The following MALRD1 variants were observed in gnomAD, a reference collection of about 807,000 sequenced individuals.
MALRD1 encodes the protein MAM and LDL receptor class A domain containing 1.
A neutral mutation model predicts 242.1 loss-of-function variants in MALRD1; 247 were observed. That is an observed-to-expected ratio of 1.02 (90% CI 0.92 to 1.13). The LOEUF (loss-of-function observed/expected upper bound fraction) is 1.13, where lower values mean the gene tolerates loss of function less well. MALRD1 is among the 50% of genes most tolerant of loss of function. MALRD1 has a pLI of 0.00. For missense variants in MALRD1, 2,989 were observed against 2,533.1 expected, an observed-to-expected ratio of 1.18 and a Z score of -3.86; for synonymous variants, 995 against 866.6, an observed-to-expected ratio of 1.15 and a Z score of -2.60.
intron 34 of MALRD1, among the ~76,000 whole-genome samples, chr10:19,601,795 G>A (rs1002588239): frequency 2.6e-5 from 4 of 151,974 alleles, no homozygotes; most frequent in African/African-American, 9.7e-5. Flanking sequence ...TCCAATAGAG[G>A]AAGGGTTCAA....
chr10:19,574,784 A>G (rs1213671577), intron 33 of MALRD1, among the ~76,000 whole-genome samples: 3 of 152,210 alleles, frequency 2.0e-5, no homozygotes, highest in African/African-American at 7.2e-5. Flanking sequence ...TTAGGGAAAC[A>G]GAAGGCACAG....
intron 26 of MALRD1, among the ~76,000 whole-genome samples, chr10:19,353,394 A>T (rs571037581): frequency 3.7e-4 from 57 of 152,220 alleles, no homozygotes; most frequent in South Asian, 8.3e-4. Context: ...ATAATTGATG[A>T]ATATAAAAAT....
intron 31 of MALRD1, among the ~76,000 whole-genome samples, chr10:19,519,157 A>G (rs1833770314): frequency 6.6e-6 from 1 of 152,136 alleles, no homozygotes. Context: ...TTTCATCAGT[A>G]TATACTTATT....
intron 12 of MALRD1, among the ~76,000 whole-genome samples, chr10:19,159,092 T>C (rs1588628713): frequency 6.6e-6 from 1 of 152,316 alleles, no homozygotes; most frequent in East Asian, 1.9e-4. Flanking sequence ...ATTAATCATT[T>C]AAACCGGAAA....
intron 29 of MALRD1, among the ~76,000 whole-genome samples, chr10:19,473,015 C>G (rs1373561852): frequency 2.1e-4 from 31 of 150,564 alleles, no homozygotes; most frequent in African/African-American, 7.3e-4. Flanking sequence ...ATTTGCCATT[C>G]CAATGACAAT....
At chr10:19,398,477 A>G (rs956945789) in intron 28 of MALRD1, among the ~76,000 whole-genome samples, 1 of 152,160 alleles carries the variant, frequency 6.6e-6, no homozygotes, top group Non-Finnish European at 1.5e-5. Context: ...TACTTTTGAG[A>G]CAGCCAAAGT....
At chr10:19,146,478 T>C in intron 11 of MALRD1, 134 bp downstream of exon 11, 1 of 726,616 alleles carries the variant, frequency 1.4e-6, no homozygotes, top group Non-Finnish European at 1.9e-6. Flanking sequence ...TAAAACCTCC[T>C]GACCAAGTTA....
chr10:19,610,333 T>G (rs1838837538), intron 35 of MALRD1, among the ~76,000 whole-genome samples: 1 of 151,956 alleles, frequency 6.6e-6, no homozygotes, highest in South Asian at 2.1e-4. Context: ...TTCTATCTAA[T>G]AGTAACTTTG....
chr10:19,687,926 A>ATGTTATGTTC (rs1842647266), intron 36 of MALRD1, among the ~76,000 whole-genome samples: 4 of 48,676 alleles, frequency 8.2e-5, no homozygotes, highest in Non-Finnish European at 1.7e-4. Flanking sequence ...ATGTTATGTT[A>ATGTTATGTTC]TGTTATGTTA....
At chr10:19,325,440 A>G (rs956116295) in intron 22 of MALRD1, among the ~76,000 whole-genome samples, 18 of 151,302 alleles carry the variant, frequency 1.2e-4, no homozygotes, top group African/African-American at 3.9e-4. Context: ...GGGGCATCCA[A>G]CATATACAGG....
At chr10:19,066,636 TA>T in intron 1 of MALRD1, 82 bp from the exon 2 acceptor site, 1 of 1,067,680 alleles carries the variant, frequency 9.4e-7, no homozygotes, top group Non-Finnish European at 1.2e-6. Flanking sequence ...CATTTGTTGC[TA>T]AACTTTATTT....
At chr10:19,725,182 C>A (rs1834963382) in intron 38 of MALRD1, among the ~76,000 whole-genome samples, 1 of 152,148 alleles carries the variant, frequency 6.6e-6, no homozygotes, top group South Asian at 2.1e-4. Flanking sequence ...TCCATGTCCC[C>A]ACCCAAATCT....
intron 23 of MALRD1, among the ~76,000 whole-genome samples, chr10:19,328,412 T>C (rs943072266): frequency 6.6e-6 from 1 of 152,108 alleles, no homozygotes; most frequent in Non-Finnish European, 1.5e-5. Flanking sequence ...ATGTACAACA[T>C]TTTCTTCTTA....
intron 33 of MALRD1, among the ~76,000 whole-genome samples, chr10:19,581,580 T>C (rs1488703709): frequency 2.0e-5 from 3 of 148,900 alleles, no homozygotes; most frequent in African/African-American, 7.4e-5. Flanking sequence ...TAGTATTCCA[T>C]GGTGTATATG....
At chr10:19,522,928 C>G (rs957779042) in intron 31 of MALRD1, among the ~76,000 whole-genome samples, 1 of 152,160 alleles carries the variant, frequency 6.6e-6, no homozygotes, top group Non-Finnish European at 1.5e-5. Context: ...AAATGAAAGA[C>G]ATGCTACCTT....
chr10:19,187,220 T>C (rs535171786), intron 14 of MALRD1, among the ~76,000 whole-genome samples: 11 of 152,228 alleles, frequency 7.2e-5, no homozygotes, highest in Non-Finnish European at 1.5e-4. Context: ...AGGGCCCTGC[T>C]TCCTAGCTGG....
chr10:19,312,600 C>T (rs924531072), intron 21 of MALRD1, among the ~76,000 whole-genome samples: 3 of 150,952 alleles, frequency 2.0e-5, no homozygotes, highest in Non-Finnish European at 4.4e-5. Context: ...CAGTTTTTTT[C>T]AGACCCTGAT....
intron 24 of MALRD1, among the ~76,000 whole-genome samples, chr10:19,346,977 G>T (rs1227282891): frequency 6.6e-6 from 1 of 152,072 alleles, no homozygotes; most frequent in Non-Finnish European, 1.5e-5. Context: ...GCAGAATCAT[G>T]AATATTGACT....
intron 36 of MALRD1, among the ~76,000 whole-genome samples, chr10:19,634,797 A>G (rs1216621334): frequency 6.6e-6 from 1 of 152,120 alleles, no homozygotes; most frequent in Non-Finnish European, 1.5e-5. Flanking sequence ...GAAGAGTTAG[A>G]TGCCACAGAC....
Sources: gnomAD v4.1 joint callset for allele counts (sites outside exome capture counted in the v4.1 genomes callset) on GRCh38, gnomAD v4.1.1 for gene constraint, MANE v1.5 for transcripts, NCBI Gene and HGNC (gene_info 2026-07-23, HGNC 2026-07-21) for gene names.